CBFB: variants seen among roughly 807,000 people sequenced by gnomAD.
The protein encoded by CBFB is CBF-beta.
A neutral mutation model predicts 30.4 loss-of-function variants in CBFB; 9 were observed. The observed-to-expected ratio is 0.30, with a 90% CI of 0.18 to 0.52. CBFB has a LOEUF of 0.52. Ranked by LOEUF, CBFB falls within the 20% of genes least tolerant of loss-of-function variation. The pLI is 0.97. For synonymous variants in CBFB, 94 were observed against 84.0 expected (o/e 1.12, Z -0.65); for missense variants, 170 against 244.0 (o/e 0.70, Z 2.02).
At chr16:67,074,276 C>G (rs150797035) in intron 4 of CBFB, among the ~76,000 whole-genome samples, 17 of 152,138 alleles carry the variant, frequency 1.1e-4, no homozygotes, top group South Asian at 2.1e-4. Context: ...GTAAATGATG[C>G]TGGGACAATA....
chr16:67,029,535 G>C (rs767696516), intron 1 of CBFB, 50 bp downstream of exon 1: 1 of 1,530,906 alleles, frequency 6.5e-7, no homozygotes, highest in African/African-American at 1.4e-5. Flanking sequence ...CCCCGAGTGG[G>C]CCCGGGCGGA....
At chr16:67,061,683 C>G (rs1960915427) in intron 3 of CBFB, among the ~76,000 whole-genome samples, 1 of 152,120 alleles carries the variant, frequency 6.6e-6, no homozygotes, top group Non-Finnish European at 1.5e-5. Context: ...TCAGTAGGAT[C>G]ATCTAAATAT....
At chr16:67,030,720 C>G (rs1448021663) in intron 2 of CBFB, among the ~76,000 whole-genome samples, 1 of 152,176 alleles carries the variant, frequency 6.6e-6, no homozygotes, top group Non-Finnish European at 1.5e-5. Context: ...CTGCCTCAGC[C>G]TCCTGAGTAG....
chr16:67,052,849 G>C (rs1960595839), intron 3 of CBFB, among the ~76,000 whole-genome samples: 2 of 151,906 alleles, frequency 1.3e-5, no homozygotes, highest in African/African-American at 4.8e-5. Context: ...TGTAGTCCCA[G>C]CTACTTGGGA....
At chr16:67,051,374 A>G (rs1966736242) in intron 3 of CBFB, among the ~76,000 whole-genome samples, 1 of 152,176 alleles carries the variant, frequency 6.6e-6, no homozygotes, top group South Asian at 2.1e-4. Flanking sequence ...AAAAACAAAA[A>G]TAATGTAATG....
chr16:67,076,688 G>T lies in CBFB; in HGVS notation c.400-5525G>T, dbSNP rs539055571. Among the ~76,000 whole-genome samples the T allele has an allele frequency of 2.6e-5, 4 of 152,176 alleles. No individual in the cohort carries two copies. The South Asian group carries it at 8.3e-4, about 32-fold the overall frequency. On this transcript the variant is annotated intron_variant, in intron 4 of 5. Coordinates refer to ENST00000412916, the MANE Select transcript of CBFB (RefSeq NM_022845.3). Reference sequence around the variant, plus strand: ...GACCTCAGGTGATCTGCCACACTTGGTTTTTTAATATAATTGTCTAAAAGC... The same window carrying T: ...GACCTCAGGTGATCTGCCACACTTGTTTTTTTAATATAATTGTCTAAAAGC...
intron 3 of CBFB, among the ~76,000 whole-genome samples, chr16:67,045,190 A>G (rs943194206): frequency 6.6e-6 from 1 of 152,110 alleles, no homozygotes; most frequent in Non-Finnish European, 1.5e-5. Context: ...TTATTTTTCA[A>G]TCTAAGAGAG....
At position 67,029,437 on chromosome 16, in the gene CBFB, C is replaced by G; in HGVS notation, c.30C>G (p.Ser10Arg). MPRVVPDQR[S>R]KFENEEFFRK... ...CGCGCGTCGTGCCCGACCAGAGAAG[C>G]AAGTTCGAGAACGAGGAGTTTTTTA... Residue 10 changes from serine to arginine, a missense_variant, in exon 1 of 6, where the codon AGC becomes AGG. By Grantham distance (110) the Ser-to-Arg change is moderately radical (BLOSUM62 -1). Coordinates refer to ENST00000412916, the MANE Select transcript of CBFB (RefSeq NM_022845.3). 1 of 1,588,358 alleles carries G rather than the reference C, an allele frequency of 6.3e-7. No individual in the cohort carries two copies. The highest frequency in any genetic ancestry group is 8.6e-7 in the Non-Finnish European group (1 of 1,168,876).
intron 5 of CBFB, among the ~76,000 whole-genome samples, chr16:67,084,711 C>G (rs2145774847): frequency 6.6e-6 from 1 of 151,976 alleles, no homozygotes; most frequent in East Asian, 1.9e-4. Flanking sequence ...TGGTTTTTTT[C>G]CAAGCACAAA....
intron 4 of CBFB, among the ~76,000 whole-genome samples, chr16:67,068,552 C>G (rs1169387144): frequency 6.6e-6 from 1 of 152,116 alleles, no homozygotes; most frequent in Non-Finnish European, 1.5e-5. Flanking sequence ...ACAGACTCCT[C>G]AGAATTAGTC....
chr16:67,081,591 C>T (rs1961556236), intron 4 of CBFB, among the ~76,000 whole-genome samples: 1 of 151,852 alleles, frequency 6.6e-6, no homozygotes, highest in Non-Finnish European at 1.5e-5. Context: ...CTCTTGAGGC[C>T]AGGAGTTTGA....
intron 1 of CBFB, 30 bp from the exon 2 acceptor site, chr16:67,029,697 C>A: frequency 6.4e-7 from 1 of 1,561,264 alleles, no homozygotes; most frequent in Non-Finnish European, 8.7e-7. Context: ...GCGGATTTGG[C>A]TCCTGATTTC....
intron 3 of CBFB, among the ~76,000 whole-genome samples, chr16:67,063,144 G>A (rs1281442855): frequency 2.6e-5 from 4 of 152,122 alleles, no homozygotes; most frequent in Admixed American, 1.3e-4. Context: ...AGCAGAGGTC[G>A]GCATAGTCAC....
At chr16:67,089,839 C>T (rs1961833882) in intron 5 of CBFB, among the ~76,000 whole-genome samples, 1 of 152,144 alleles carries the variant, frequency 6.6e-6, no homozygotes, top group African/African-American at 2.4e-5. Flanking sequence ...AGTAAAAACT[C>T]CCTCCCAGGT....
chr16:67,053,534 C>T (rs1324033460), intron 3 of CBFB, among the ~76,000 whole-genome samples: 9 of 151,992 alleles, frequency 5.9e-5, no homozygotes, highest in East Asian at 1.9e-4. Flanking sequence ...GGATTACAAG[C>T]GTGAGCCACC....
At chr16:67,078,869 C>T (rs1368979416) in intron 4 of CBFB, among the ~76,000 whole-genome samples, 1 of 152,098 alleles carries the variant, frequency 6.6e-6, no homozygotes, top group Non-Finnish European at 1.5e-5. Flanking sequence ...TTGGCCAGGG[C>T]TGGTCTCTTC....
intron 4 of CBFB, among the ~76,000 whole-genome samples, chr16:67,069,500 A>G (rs1171671678): frequency 6.6e-6 from 1 of 152,254 alleles, no homozygotes; most frequent in East Asian, 1.9e-4. Flanking sequence ...GGACACCAGC[A>G]CACGTATTAA....
At chr16:67,057,749 A>C (rs900386647) in intron 3 of CBFB, among the ~76,000 whole-genome samples, 27 of 152,216 alleles carry the variant, frequency 1.8e-4, no homozygotes, top group Non-Finnish European at 2.6e-4. Context: ...TTTCAACTCC[A>C]CTGGTTAAAT....
chr16:67,045,161 T>G (rs987179279), intron 3 of CBFB, among the ~76,000 whole-genome samples: 30 of 152,160 alleles, frequency 2.0e-4, no homozygotes, highest in African/African-American at 7.0e-4. Context: ...AAGAAAAGTT[T>G]TTATTTTAGT....
Sources: allele counts gnomAD v4.1 joint callset (sites outside exome capture counted in the v4.1 genomes callset), GRCh38; gene constraint gnomAD v4.1.1; transcripts MANE v1.5; gene names NCBI Gene and HGNC (gene_info 2026-07-23, HGNC 2026-07-21).